Variants in SATL1 observed in about 807,000 individuals in gnomAD.
The protein encoded by SATL1 is spermidine/spermine N1-acetyl transferase like 1.
A neutral mutation model predicts 51.8 loss-of-function variants in SATL1; 47 were observed. That is an observed-to-expected ratio of 0.91 (90% CI 0.72 to 1.16). The LOEUF (loss-of-function observed/expected upper bound fraction) is 1.16, where lower values mean the gene tolerates loss of function less well. Among genes scored for constraint, SATL1 ranks in the 50% most tolerant of loss-of-function variants. The pLI is 0.00. For missense variants in SATL1, 520 were observed against 526.4 expected (o/e 0.99, Z 0.12); for synonymous variants, 176 against 182.4 (o/e 0.97, Z 0.28).
Position 85,233,487 on chromosome X carries a change from A to G in SATL1, c.-434-9161T>C, listed in dbSNP as rs375898596. Among the ~76,000 whole-genome samples, 18 of 112,538 alleles carry G rather than the reference A, an allele frequency of 1.6e-4. No individual in the cohort carries two copies. In the East Asian group the frequency reaches 3.4e-3, roughly 21 times the overall value. ...GAGTGACAGAGGTATGTGACCTTTC[A>G]GACAGATAATTCAAAATAGCTGTGT... On this transcript the variant is annotated intron_variant, in intron 1 of 7. Transcript: ENST00000644105.
intron 2 of SATL1, among the ~76,000 whole-genome samples, chrX:85,140,844 T>C (rs1368520376): frequency 1.8e-5 from 2 of 111,789 alleles, no homozygotes; most frequent in East Asian, 5.6e-4. Context: ...ATTAACATGG[T>C]TTGTCAGAAT....
intron 2 of SATL1, among the ~76,000 whole-genome samples, chrX:85,180,300 G>A (rs1391408353): frequency 9.0e-6 from 1 of 110,876 alleles, no homozygotes; most frequent in Non-Finnish European, 1.9e-5. Context: ...AAGTCAGGCA[G>A]TGGAGGAATG....
At chrX:85,239,042 A>C (rs1351945737) in intron 1 of SATL1, among the ~76,000 whole-genome samples, 2 of 110,850 alleles carry the variant, frequency 1.8e-5, no homozygotes. Context: ...TTTAGTTAAC[A>C]ATACTGCATT....
rs751278179 is a variant in SATL1, at chrX:85,121,077, T to G, written c.-312-11797A>C. ...TTAGCTCTGTGCTTCTTAGTAACTT[T>G]GAGACCTTAAGAACCTTAACCTCCA... is the stretch of plus-strand genomic sequence containing the variant. On this transcript the variant is annotated intron_variant, in intron 2 of 7. Coordinates refer to ENST00000644105, the MANE Select transcript of SATL1 (RefSeq NM_001367857.2). 8.0e-4 allele frequency among the ~76,000 whole-genome samples: 89 copies of G among 110,743 alleles called. 1 individual carries two copies. The highest frequency in any genetic ancestry group is 2.8e-3 in the African/African-American group (85 of 30,608).
chrX:85,116,273 AG>A (rs1925381605), intron 2 of SATL1: 1 of 111,937 alleles, frequency 8.9e-6, no homozygotes, highest in South Asian at 3.7e-4. Context: ...CAAATTTTAG[AG>A]CAGCAATGAA....
intron 2 of SATL1, among the ~76,000 whole-genome samples, chrX:85,203,588 G>C (rs1031019233): frequency 1.8e-5 from 2 of 111,101 alleles, no homozygotes; most frequent in African/African-American, 6.5e-5. Flanking sequence ...CCCCAGTTGG[G>C]AGATTCTGCC....
At chrX:85,219,016 T>C (rs1448643748) in intron 2 of SATL1, 1 of 112,206 alleles carries the variant, frequency 8.9e-6, no homozygotes, top group Non-Finnish European at 1.9e-5. Flanking sequence ...TAAATGCCAT[T>C]TAATTACATT....
At chrX:85,100,848 A>G (rs781289491) in intron 4 of SATL1, among the ~76,000 whole-genome samples, 1 of 112,068 alleles carries the variant, frequency 8.9e-6, no homozygotes, top group South Asian at 3.7e-4. Context: ...TAGTGACAAA[A>G]GGACAGACAT....
intron 1 of SATL1, among the ~76,000 whole-genome samples, chrX:85,240,667 C>G (rs780972470): frequency 9.0e-6 from 1 of 110,613 alleles, no homozygotes; most frequent in East Asian, 2.8e-4. Flanking sequence ...AGGTTTCATT[C>G]TTTGGGAGTA....
chrX:85,176,932 C>G (rs900736144), intron 2 of SATL1, among the ~76,000 whole-genome samples: 1 of 111,659 alleles, frequency 9.0e-6, no homozygotes, highest in Non-Finnish European at 1.9e-5. Flanking sequence ...GATATATCAA[C>G]ATCATGTAAT....
intron 2 of SATL1, among the ~76,000 whole-genome samples, chrX:85,171,544 T>C (rs1033011786): frequency 1.3e-4 from 14 of 111,467 alleles, no homozygotes; most frequent in Admixed American, 1.1e-3. Flanking sequence ...TAAGTGTAAA[T>C]ACCCTCAACC....
At position 85,156,813 on chromosome X, in the gene SATL1, TTATATATATATATATATATA is replaced by T. The variant is rs71933802; in HGVS notation, c.-312-47553_-312-47534del. On this transcript the variant is annotated intron_variant, in intron 2 of 7. Transcript: ENST00000644105. The stretch of plus-strand genomic sequence containing the variant: ...TACAAGGATTTGAACCATGTGGAGA[TTATATATATATATATATATA>T]TATATATATATATATATATATATAT... 4.3e-3 allele frequency among the ~76,000 whole-genome samples: 267 copies of T among 62,239 alleles called. 7 individuals carry two copies. Among genetic ancestry groups the T allele is most frequent in the African/African-American group, 0.018 (224 of 12,375 alleles). The allele number at this position is 62,239 out of a possible 115,157, so 54.0% of individuals were successfully genotyped here. A position where few individuals can be genotyped will look rare whatever the true frequency, so the allele number is the denominator to read the frequency against.
intron 1 of SATL1, among the ~76,000 whole-genome samples, chrX:85,225,147 A>G (rs1233787659): frequency 8.9e-6 from 1 of 112,049 alleles, no homozygotes; most frequent in Non-Finnish European, 1.9e-5. Context: ...GTGTGGTTAC[A>G]AAAGGACAAC....
chrX:85,222,847 G>T (rs17278373), intron 2 of SATL1, among the ~76,000 whole-genome samples: 2 of 111,022 alleles, frequency 1.8e-5, no homozygotes, highest in East Asian at 2.9e-4. Flanking sequence ...CCCATAAATA[G>T]GTTCTTCTCC....
rs775937666 is a variant in SATL1, at chrX:85,136,018, T to C, written c.-312-26738A>G. On this transcript the variant is annotated intron_variant, in intron 2 of 7. Coordinates refer to ENST00000644105, the MANE Select transcript of SATL1 (RefSeq NM_001367857.2). ...GAGGTAGGGAAGAAAAAGGACACAATTCAAGAGTTATTTAGGAGGTAGAAG... is the reference window on the plus strand; with the variant it reads ...GAGGTAGGGAAGAAAAAGGACACAACTCAAGAGTTATTTAGGAGGTAGAAG... Among the ~76,000 whole-genome samples the C allele has an allele frequency of 4.5e-5, 5 of 110,070 alleles. No individual in the cohort carries two copies. In the South Asian group the frequency reaches 2.0e-3, roughly 44 times the overall value.
At chrX:85,123,965 T>C (rs1925563744) in intron 2 of SATL1, among the ~76,000 whole-genome samples, 1 of 111,826 alleles carries the variant, frequency 8.9e-6, no homozygotes, top group Admixed American at 9.6e-5. Context: ...GGTTTTACTT[T>C]ATATACTTCT....
rs146531710 is a variant in SATL1 at position 85,157,907 on chromosome X, T to C, written c.-312-48627A>G. 1.3e-4 allele frequency among the ~76,000 whole-genome samples: 15 copies of C among 111,678 alleles called. No homozygotes were observed. The East Asian group carries it at 3.7e-3, about 27-fold the overall frequency. On this transcript the variant is annotated intron_variant, in intron 2 of 7. Coordinates refer to ENST00000644105, the MANE Select transcript of SATL1 (RefSeq NM_001367857.2). ...TGTCCCAATCTACATATTCTTCTCT[T>C]TCAGATTGTTTCCCAAAGTCTGGGG...
Position 85,108,170 on chromosome X carries a change from T to C in SATL1, c.799A>G (p.Ser267Gly), listed in dbSNP as rs1301119375. The change falls in exon 3 of 8, where the codon AGC becomes GGC. Residue 267 changes from serine to glycine, a missense_variant. Around this residue, in one of 3 missense-constraint regions of SATL1, gnomAD observed 488 missense variants for 474.3 expected, o/e 1.03. Transcript: ENST00000644105. ...TCCATTTGGTTCATACCAAGTAAGC[T>C]TGGGCTTGGCTGGATTATACCTGTT... ...NQTGIIQPSP[S>G]LLGMNQMDMN... 7 of 1,212,105 alleles carry C rather than the reference T, an allele frequency of 5.8e-6. No homozygotes were observed. Among genetic ancestry groups the C allele is most frequent in the African/African-American group, 1.7e-5 (1 of 57,895 alleles).
At chrX:85,107,217 G>T in intron 3 of SATL1, 111 bp downstream of exon 3, 4 of 549,824 alleles carry the variant, frequency 7.3e-6, no homozygotes, top group Middle Eastern at 5.3e-4. Context: ...ACTACCAGAG[G>T]TTATGAACAC....
Sources: allele counts gnomAD v4.1 joint callset (sites outside exome capture counted in the v4.1 genomes callset), GRCh38; gene constraint gnomAD v4.1.1; regional missense constraint gnomAD v4.1.1; transcripts MANE v1.5; gene names NCBI Gene and HGNC (gene_info 2026-07-23, HGNC 2026-07-21).